The following CCNY variants were observed in gnomAD, a reference collection of about 807,000 sequenced individuals.
CCNY encodes cyclin-Y.
In CCNY, 19 loss-of-function variants were observed where a neutral mutation model predicts 42.8. The ratio of observed to expected loss-of-function variants is 0.44; its 90% CI spans 0.31 to 0.65. The LOEUF is 0.65. CCNY is among the 30% of genes least tolerant of loss of function. The pLI is 0.07. For missense variants in CCNY, 370 were observed against 437.3 expected (o/e 0.85, Z 1.37); for synonymous variants, 165 against 162.7 (o/e 1.01, Z -0.11).
chr10:35,514,343 G>A (rs1840385528), intron 3 of CCNY, among the ~76,000 whole-genome samples: 1 of 152,166 alleles, frequency 6.6e-6, no homozygotes, highest in South Asian at 2.1e-4. Flanking sequence ...TTTAAAAGCT[G>A]GGTTGGCATC....
chr10:35,341,284 G>T (rs1209951223), intron 1 of CCNY, among the ~76,000 whole-genome samples: 1 of 152,100 alleles, frequency 6.6e-6, no homozygotes, highest in African/African-American at 2.4e-5. Context: ...TCCTCCATGT[G>T]CTCTCTTGGC....
chr10:35,509,770 G>C (rs1304338286), intron 3 of CCNY, among the ~76,000 whole-genome samples: 1 of 152,218 alleles, frequency 6.6e-6, no homozygotes, highest in South Asian at 2.1e-4. Context: ...GAGCACACCT[G>C]CTCTTGCTGA....
rs181605540 is a variant in CCNY at position 35,270,967 on chromosome 10, C to G, written c.-9+20341C>G. 3.2e-3 allele frequency among the ~76,000 whole-genome samples: 486 copies of G among 152,088 alleles called. 8 individuals carry two copies. The highest frequency in any genetic ancestry group is 0.011 in the African/African-American group (459 of 41,462). ...GTCTCGATCTCCTGACCTCGTGATC[C>G]GCCCGCCTCAGCCTCCCAAAGTGCT... On this transcript the variant is annotated intron_variant, in intron 3 of 11. Transcript: ENST00000374706.
chr10:35,270,694 G>T (rs1046069662), intron 3 of CCNY, among the ~76,000 whole-genome samples: 11 of 149,540 alleles, frequency 7.4e-5, no homozygotes, highest in Middle Eastern at 7.0e-3. Context: ...ACCCCTTTTC[G>T]CAATTCTTAG....
chr10:35,374,378 C>T (rs370281254), intron 1 of CCNY, among the ~76,000 whole-genome samples: 20 of 152,314 alleles, frequency 1.3e-4, no homozygotes, highest in African/African-American at 4.8e-4. Flanking sequence ...GAAGCTTTCT[C>T]TAGGAGAACT....
At chr10:35,501,445 G>C (rs2135390910) in intron 2 of CCNY, 56 bp from the exon 3 acceptor site, 1 of 1,520,580 alleles carries the variant, frequency 6.6e-7, no homozygotes, top group African/African-American at 1.4e-5. Context: ...TCATCCACCT[G>C]CCAGGGGTTG....
chr10:35,465,689 T>C (rs1173982370), intron 1 of CCNY, among the ~76,000 whole-genome samples: 1 of 152,148 alleles, frequency 6.6e-6, no homozygotes, highest in Non-Finnish European at 1.5e-5. Flanking sequence ...CTGTCCGTTA[T>C]GTGCTTTGGC....
At chr10:35,282,355 C>T (rs188868682) in intron 3 of CCNY, among the ~76,000 whole-genome samples, 44 of 152,090 alleles carry the variant, frequency 2.9e-4, no homozygotes, top group African/African-American at 8.9e-4. Flanking sequence ...TTGAACTCCT[C>T]GGCTCATGAG....
chr10:35,555,871 TA>T (rs1841353498), intron 8 of CCNY, among the ~76,000 whole-genome samples: 2 of 152,174 alleles, frequency 1.3e-5, no homozygotes, highest in African/African-American at 2.4e-5. Flanking sequence ...GTCAATATCT[TA>T]AAAAATTATA....
At chr10:35,304,996 A>G (rs1835589808) in intron 3 of CCNY, among the ~76,000 whole-genome samples, 1 of 152,214 alleles carries the variant, frequency 6.6e-6, no homozygotes, top group South Asian at 2.1e-4. Flanking sequence ...TAGGAGCCTA[A>G]TATACAAGTG....
At chr10:35,339,855 GT>G (rs1201027183) in intron 1 of CCNY, among the ~76,000 whole-genome samples, 3 of 152,054 alleles carry the variant, frequency 2.0e-5, no homozygotes, top group African/African-American at 7.2e-5. Context: ...TTAGTGTTAG[GT>G]TATTCATGTT....
chr10:35,440,752 G>A (rs1214878424), intron 1 of CCNY, among the ~76,000 whole-genome samples: 2 of 152,216 alleles, frequency 1.3e-5, no homozygotes, highest in African/African-American at 4.8e-5. Context: ...GTAGAATGAA[G>A]TGTAATTGCA....
chr10:35,476,874 A>T (rs1235414134), intron 1 of CCNY, among the ~76,000 whole-genome samples: 1 of 152,206 alleles, frequency 6.6e-6, no homozygotes. Context: ...GATCAACAAA[A>T]TTGATAGACC....
rs76934889 is a variant in CCNY, at chr10:35,491,071, G to A, written c.229+7593G>A. 5.0e-3 allele frequency among the ~76,000 whole-genome samples: 758 copies of A among 152,270 alleles called. 6 individuals carry two copies. The highest frequency in any genetic ancestry group is 0.01 in the Middle Eastern group (3 of 294). ...AGGAGGGTGGGTACTCAAAAGCCAT[G>A]AGTAGTTGAGTGTGCAGACAGGTCC... On this transcript the variant is annotated intron_variant, in intron 2 of 9. Coordinates refer to ENST00000374704, the MANE Select transcript of CCNY (RefSeq NM_145012.6).
At chr10:35,468,639 T>C (rs1289820823) in intron 1 of CCNY, among the ~76,000 whole-genome samples, 4 of 152,206 alleles carry the variant, frequency 2.6e-5, no homozygotes, top group Non-Finnish European at 5.9e-5. Flanking sequence ...GTCATGAGAC[T>C]ATTTTTTCCT....
At chr10:35,541,799 G>A (rs908040320) in intron 7 of CCNY, among the ~76,000 whole-genome samples, 1 of 151,170 alleles carries the variant, frequency 6.6e-6, no homozygotes, top group Admixed American at 6.6e-5. Flanking sequence ...ACACCATCTT[G>A]TATCTAGTTG....
chr10:35,411,673 C>T lies in CCNY; in HGVS notation c.155-71731C>T, dbSNP rs74558997. On this transcript the variant is annotated intron_variant, in intron 1 of 9. Coordinates refer to ENST00000374704, the MANE Select transcript of CCNY (RefSeq NM_145012.6). ...GACAAGGTTAAGGTGGACTATATCT[C>T]TTCCATCTGACAACCTGTTTCTCAC... Among the ~76,000 whole-genome samples, 179 of 152,260 alleles carry T rather than the reference C, an allele frequency of 1.2e-3. 2 individuals carry two copies. The East Asian group carries it at 0.03, about 25-fold the overall frequency.
At chr10:35,328,328 T>C (rs186999200) in intron 3 of CCNY, among the ~76,000 whole-genome samples, 1 of 152,166 alleles carries the variant, frequency 6.6e-6, no homozygotes, top group Admixed American at 6.5e-5. Flanking sequence ...AGACCCCAAA[T>C]CCTGGGGCTG....
intron 1 of CCNY, among the ~76,000 whole-genome samples, chr10:35,469,608 G>A (rs921933171): frequency 3.3e-5 from 5 of 149,982 alleles, no homozygotes; most frequent in African/African-American, 1.2e-4. Flanking sequence ...AGACAGGGCA[G>A]TGGAGAGACA....
Sources: allele counts gnomAD v4.1 joint callset (sites outside exome capture counted in the v4.1 genomes callset), GRCh38; gene constraint gnomAD v4.1.1; transcripts MANE v1.5; gene names NCBI Gene and HGNC (gene_info 2026-07-23, HGNC 2026-07-21).